Variants in SOCS2 observed in about 807,000 individuals in gnomAD.
SOCS2 encodes the protein CIS-2.
Under a neutral mutation model 18.6 loss-of-function variants are expected in SOCS2, and 10 were observed. The ratio of observed to expected loss-of-function variants is 0.54; its 90% confidence interval spans 0.33 to 0.91. The LOEUF (loss-of-function observed/expected upper bound fraction) is 0.91. Among genes scored for constraint, SOCS2 ranks in the 40% least tolerant of loss-of-function variants. SOCS2 has a pLI of 0.02. For synonymous variants in SOCS2, 104 were observed against 104.0 expected (o/e 1.00, Z 0.00); for missense variants, 231 against 247.2 (o/e 0.93, Z 0.44).
At chr12:93,598,235 A>G in the SOCS2 span, among the ~76,000 whole-genome samples, 1 of 152,100 alleles carries the variant, frequency 6.6e-6, no homozygotes, top group Non-Finnish European at 1.5e-5. Context: ...TAACGTAAGG[A>G]TGAGTTTGGT....
Position 93,574,736 on chromosome 12 carries a change from A to T in SOCS2, c.154A>T (p.Ser52Cys). 6.2e-7 allele frequency: 1 copy of T among 1,611,842 alleles called. No homozygotes were observed. The change falls in exon 2 of 2, where the codon AGT becomes TGT. Residue 52 changes from serine to cysteine, a missense_variant. Physicochemically the swap from Ser to Cys is moderately radical, Grantham distance 112. Coordinates refer to ENST00000551556, the MANE Select transcript of SOCS2 (RefSeq NM_001270471.2). Reference sequence around the variant, plus strand: ...AAAAACCCCAGGATGGTACTGGGGAAGTATGACTGTTAATGAAGCCAAAGA... The same window carrying T: ...AAAAACCCCAGGATGGTACTGGGGATGTATGACTGTTAATGAAGCCAAAGA... ...ELGQTGWYWG[S>C]MTVNEAKEKL...
chr12:93,570,395 C>T (rs1282193843), upstream of SOCS2: 1 of 152,414 alleles, frequency 6.6e-6, no homozygotes, highest in Non-Finnish European at 1.5e-5. Flanking sequence ...CGCTGCCTTC[C>T]AGGACCTGAT....
chr12:93,580,441 C>A (rs369178704), downstream of SOCS2, among the ~76,000 whole-genome samples: 1 of 151,674 alleles, frequency 6.6e-6, no homozygotes, highest in East Asian at 1.9e-4. Flanking sequence ...GCCAACATGG[C>A]GAAACCACAT....
chr12:93,621,141 A>G, the SOCS2 span, among the ~76,000 whole-genome samples: 1 of 152,250 alleles, frequency 6.6e-6, no homozygotes, highest in African/African-American at 2.4e-5. Flanking sequence ...TCAAGACTAT[A>G]TAGATTCCAT....
the SOCS2 span, among the ~76,000 whole-genome samples, chr12:93,616,475 C>T: frequency 6.6e-6 from 1 of 152,194 alleles, no homozygotes. Flanking sequence ...TTATTTCTTG[C>T]TCAGTCAAGT....
chr12:93,611,012 C>A, the SOCS2 span, among the ~76,000 whole-genome samples: 1 of 152,170 alleles, frequency 6.6e-6, no homozygotes, highest in African/African-American at 2.4e-5. Context: ...CCACAGGGTT[C>A]CTTACATCCC....
the SOCS2 span, among the ~76,000 whole-genome samples, chr12:93,609,057 C>T: frequency 2.0e-5 from 3 of 152,214 alleles, 1 homozygote; most frequent in Admixed American, 2.0e-4. Context: ...TTCAGGAGTT[C>T]AAGACCAGCC....
chr12:93,609,687 T>C, the SOCS2 span, among the ~76,000 whole-genome samples: 1 of 152,144 alleles, frequency 6.6e-6, no homozygotes, highest in Non-Finnish European at 1.5e-5. Flanking sequence ...TCAGTAAATA[T>C]TGGTTTACTT....
chr12:93,572,852 C>T lies in SOCS2; in HGVS notation c.-46C>T. The T allele has an allele frequency of 6.4e-7, 1 of 1,556,488 alleles. No homozygotes were observed. Among genetic ancestry groups the T allele is most frequent in the Non-Finnish European group, 8.7e-7 (1 of 1,149,676 alleles). The stretch of plus-strand genomic sequence containing the variant: ...GGAAGGACGCGAACCCTTCTCTGAC[C>T]CCAGCTCGGGCGGCCACCTGTCTTT... On this transcript the variant is annotated 5_prime_UTR_variant, in exon 1 of 2. Coordinates refer to ENST00000551556, the MANE Select transcript of SOCS2 (RefSeq NM_001270471.2). The surrounding 1 kb of genome is among the most constrained non-coding windows in gnomAD (Gnocchi z 5.0).
chr12:93,598,206 A>G, the SOCS2 span, among the ~76,000 whole-genome samples: 48 of 152,194 alleles, frequency 3.2e-4, no homozygotes, highest in Non-Finnish European at 6.5e-4. Context: ...ATGAGAAGGA[A>G]GAGCAAGTGT....
chr12:93,574,945 T>G lies in SOCS2; in HGVS notation c.363T>G (p.Ser121Arg). ...AATCCAAGCTTAAACAATTTGACAG[T>G]GTGGTTCATCTGATCGACTACTATG... ...CVKSKLKQFD[S>R]VVHLIDYYVQ... Residue 121 changes from serine to arginine, a missense_variant, in exon 2 of 2, where the codon AGT (serine) becomes AGG (arginine). Physicochemically the swap from Ser to Arg is moderately radical, Grantham distance 110. Around this residue, in one of 3 missense-constraint regions of SOCS2, gnomAD observed 122 missense variants for 127.2 expected, o/e 0.96. Transcript: ENST00000551556. 6.2e-7 allele frequency: 1 copy of G among 1,614,154 alleles called. No individual in the cohort carries two copies. The highest frequency in any genetic ancestry group is 8.5e-7 in the Non-Finnish European group (1 of 1,180,026).
At chr12:93,591,270 A>C in the SOCS2 span, among the ~76,000 whole-genome samples, 1 of 151,988 alleles carries the variant, frequency 6.6e-6, no homozygotes, top group East Asian at 1.9e-4. Flanking sequence ...CAAACAAAAA[A>C]AAAAAAACAA....
At chr12:93,570,397 G>T (rs1313760139), upstream of SOCS2, 3 of 152,420 alleles carry the variant, frequency 2.0e-5, no homozygotes, top group African/African-American at 7.2e-5. Context: ...CTGCCTTCCA[G>T]GACCTGATCA....
downstream of SOCS2, among the ~76,000 whole-genome samples, chr12:93,577,448 A>G (rs927921717): frequency 6.6e-6 from 1 of 152,010 alleles, no homozygotes; most frequent in Non-Finnish European, 1.5e-5. Context: ...GAAATGAGCA[A>G]AGTACAATGA....
At chr12:93,591,620 A>G in the SOCS2 span, among the ~76,000 whole-genome samples, 2 of 152,192 alleles carry the variant, frequency 1.3e-5, no homozygotes, top group East Asian at 1.9e-4. Context: ...GTCTGTGGCC[A>G]GGGTAGAGTG....
the SOCS2 span, among the ~76,000 whole-genome samples, chr12:93,613,766 G>T: frequency 2.0e-5 from 3 of 152,156 alleles, no homozygotes; most frequent in Non-Finnish European, 2.9e-5. Flanking sequence ...TCACAAAAAT[G>T]TTAAATATTG....
At chr12:93,618,586 G>A in the SOCS2 span, among the ~76,000 whole-genome samples, 2 of 152,120 alleles carry the variant, frequency 1.3e-5, no homozygotes, top group African/African-American at 4.8e-5. Flanking sequence ...GCCTGTCCTA[G>A]CCTTAGGGCT....
the SOCS2 span, among the ~76,000 whole-genome samples, chr12:93,614,226 C>T: frequency 6.6e-6 from 1 of 152,176 alleles, no homozygotes; most frequent in Non-Finnish European, 1.5e-5. Flanking sequence ...CCTAAGGCAG[C>T]CCTGGTGTTC....
the SOCS2 span, among the ~76,000 whole-genome samples, chr12:93,590,234 CAA>C: frequency 1.5e-5 from 2 of 129,578 alleles, no homozygotes; most frequent in Non-Finnish European, 1.7e-5. Flanking sequence ...GACTCAGTCT[CAA>C]AAAAAAAAAA....
Sources: gnomAD v4.1 joint callset for allele counts (sites outside exome capture counted in the v4.1 genomes callset) on GRCh38, gnomAD v4.1.1 for gene constraint, gnomAD v4.1.1 regional missense constraint, Gnocchi (gnomAD v3.1) non-coding constraint, MANE v1.5 for transcripts, NCBI Gene and HGNC (gene_info 2026-07-23, HGNC 2026-07-21) for gene names.